The following NRCAM variants were observed in gnomAD, a reference collection of about 807,000 sequenced individuals.
NRCAM encodes NgCAM-related cell adhesion molecule.
Under a neutral mutation model 156.5 loss-of-function variants are expected in NRCAM, and 83 were observed. The observed-to-expected ratio is 0.53, with a 90% CI of 0.44 to 0.64. The LOEUF is 0.64. Ranked by LOEUF, NRCAM falls within the 30% of genes least tolerant of loss-of-function variation. NRCAM has a pLI of 0.00. For missense variants in NRCAM, 1,417 were observed against 1,597.3 expected (o/e 0.89, Z 1.92); for synonymous variants, 538 against 563.9 (o/e 0.95, Z 0.65).
At chr7:108,201,294 C>G (rs534094147) in intron 13 of NRCAM, among the ~76,000 whole-genome samples, 1 of 152,144 alleles carries the variant, frequency 6.6e-6, no homozygotes, top group African/African-American at 2.4e-5. Context: ...CTGACCGCAT[C>G]TCTGTGGATG....
intron 3 of NRCAM, among the ~76,000 whole-genome samples, chr7:108,306,956 G>A (rs1451266815): frequency 6.6e-6 from 1 of 152,182 alleles, no homozygotes; most frequent in African/African-American, 2.4e-5. Flanking sequence ...ATCCCTGGGT[G>A]GGATTATGCA....
intron 11 of NRCAM, among the ~76,000 whole-genome samples, chr7:108,211,449 C>A (rs1181210227): frequency 2.6e-5 from 4 of 152,150 alleles, no homozygotes; most frequent in African/African-American, 9.7e-5. Context: ...AGAACTAAGC[C>A]CTTTTCTTTT....
At chr7:108,227,514 T>C (rs1400050008) in intron 8 of NRCAM, among the ~76,000 whole-genome samples, 4 of 152,216 alleles carry the variant, frequency 2.6e-5, no homozygotes, top group African/African-American at 9.6e-5. Context: ...AATGCATTAC[T>C]GTTACCCACA....
chr7:108,188,421 G>A (rs923792724), intron 20 of NRCAM, among the ~76,000 whole-genome samples: 1 of 151,780 alleles, frequency 6.6e-6, no homozygotes, highest in Admixed American at 6.6e-5. Flanking sequence ...ATGTTTACAT[G>A]CAGATATAAT....
At chr7:108,342,975 C>T (rs1361157427) in intron 2 of NRCAM, among the ~76,000 whole-genome samples, 2 of 152,126 alleles carry the variant, frequency 1.3e-5, no homozygotes, top group Non-Finnish European at 2.9e-5. Context: ...TTCTTCCAGG[C>T]AATGAAGAAA....
At chr7:108,175,487 G>A in intron 27 of NRCAM, 130 bp from the exon 28 acceptor site, 1 of 745,144 alleles carries the variant, frequency 1.3e-6, no homozygotes, top group Non-Finnish European at 2.1e-6. Context: ...TACCACATCA[G>A]GTATAGGGGA....
chr7:108,258,272 G>A (rs2096759993), intron 3 of NRCAM, among the ~76,000 whole-genome samples: 1 of 152,254 alleles, frequency 6.6e-6, no homozygotes, highest in Non-Finnish European at 1.5e-5. Context: ...AGCCTTGCGT[G>A]TGGTGCTTTC....
chr7:108,379,291 G>T (rs570701423), intron 2 of NRCAM, among the ~76,000 whole-genome samples: 12 of 152,264 alleles, frequency 7.9e-5, no homozygotes, highest in Non-Finnish European at 1.6e-4. Context: ...AACGTATAAT[G>T]AAATATTATT....
chr7:108,323,809 G>A (rs1409040755), intron 2 of NRCAM, among the ~76,000 whole-genome samples: 1 of 151,974 alleles, frequency 6.6e-6, no homozygotes, highest in Non-Finnish European at 1.5e-5. Flanking sequence ...AAGAGGGGCT[G>A]CAATTTTAAG....
intron 30 of NRCAM, among the ~76,000 whole-genome samples, chr7:108,164,547 C>CCAGCGGGAGGAGAGGAGAGGAGAGGAGAG (rs145160841): frequency 1.1e-3 from 167 of 145,846 alleles, no homozygotes; most frequent in African/African-American, 3.2e-3. Flanking sequence ...ACCGCGGAAC[C>CCAGCGGGAGGAGAGGAGAGGAGAGGAGAG]GAGAGGAGAG....
intron 11 of NRCAM, among the ~76,000 whole-genome samples, chr7:108,218,402 T>C (rs1299377289): frequency 6.6e-6 from 1 of 152,170 alleles, no homozygotes. Flanking sequence ...CCACCCAGAA[T>C]ACACATTCTA....
At chr7:108,389,692 T>C (rs1478959687) in intron 2 of NRCAM, among the ~76,000 whole-genome samples, 1 of 152,210 alleles carries the variant, frequency 6.6e-6, no homozygotes. Flanking sequence ...GGCTATGGGT[T>C]TGTCATAAAT....
chr7:108,420,260 C>G (rs959007133), intron 1 of NRCAM, among the ~76,000 whole-genome samples: 1 of 152,068 alleles, frequency 6.6e-6, no homozygotes, highest in African/African-American at 2.4e-5. Flanking sequence ...TATAGAGATT[C>G]TGCTTTTCAG....
intron 1 of NRCAM, among the ~76,000 whole-genome samples, chr7:108,434,444 A>C (rs1829608617): frequency 6.6e-6 from 1 of 152,074 alleles, no homozygotes; most frequent in Non-Finnish European, 1.5e-5. Flanking sequence ...GGGCTAGAAA[A>C]AGTGCTTCAC....
At chr7:108,259,004 C>T (rs2096789238) in intron 3 of NRCAM, among the ~76,000 whole-genome samples, 1 of 152,160 alleles carries the variant, frequency 6.6e-6, no homozygotes, top group African/African-American at 2.4e-5. Context: ...ATTAAAAATC[C>T]AGTTCCTCAG....
intron 2 of NRCAM, among the ~76,000 whole-genome samples, chr7:108,338,464 C>T (rs62469218): frequency 0.083 from 12,644 of 152,108 alleles, 549 homozygotes; most frequent in South Asian, 0.16. Context: ...TTTAGGTATA[C>T]AGTTCTCGAC....
intron 2 of NRCAM, among the ~76,000 whole-genome samples, chr7:108,326,607 A>T (rs773429397): frequency 1.3e-4 from 20 of 152,248 alleles, no homozygotes; most frequent in Admixed American, 3.3e-4. Flanking sequence ...CTTGAAGAGC[A>T]AGAAAATTCA....
At chr7:108,393,470 G>T (rs1291695657) in intron 2 of NRCAM, among the ~76,000 whole-genome samples, 4 of 152,098 alleles carry the variant, frequency 2.6e-5, no homozygotes, top group Admixed American at 2.6e-4. Context: ...CGATTTTCCA[G>T]GTGCCATCTG....
At chr7:108,424,484 A>G (rs914793427) in intron 1 of NRCAM, among the ~76,000 whole-genome samples, 1 of 152,234 alleles carries the variant, frequency 6.6e-6, no homozygotes, top group Admixed American at 6.5e-5. Flanking sequence ...ATCAGGCAAG[A>G]AAGCAAAGAC....
Sources: gnomAD v4.1 joint callset for allele counts (sites outside exome capture counted in the v4.1 genomes callset) on GRCh38, gnomAD v4.1.1 for gene constraint, MANE v1.5 for transcripts, NCBI Gene and HGNC (gene_info 2026-07-23, HGNC 2026-07-21) for gene names.